LINGO2: variants seen among roughly 807,000 people sequenced by gnomAD.
The protein encoded by LINGO2 is leucine rich repeat and Ig domain containing 2.
Under a neutral mutation model 30.6 loss-of-function variants are expected in LINGO2, and 14 were observed. The ratio of observed to expected loss-of-function variants is 0.46; its 90% CI spans 0.30 to 0.72. The LOEUF (loss-of-function observed/expected upper bound fraction) is 0.72. Among genes scored for constraint, LINGO2 ranks in the 30% least tolerant of loss-of-function variants. The pLI, the probability that LINGO2 is intolerant of heterozygous loss-of-function variation, is 0.07. For missense variants in LINGO2, 729 were observed against 751.7 expected (o/e 0.97, Z 0.35); for synonymous variants, 317 against 288.5 (o/e 1.10, Z -1.00).
chr9:28,714,534 C>T, the LINGO2 span, among the ~76,000 whole-genome samples: 4 of 152,040 alleles, frequency 2.6e-5, no homozygotes, highest in African/African-American at 7.2e-5. Context: ...GATGGCAGAG[C>T]CTTTTCAGCC....
rs561758510 is a variant in LINGO2, at chr9:28,386,408, A to C, written c.-278-13540T>G. 3.3e-5 allele frequency among the ~76,000 whole-genome samples: 5 copies of C among 152,280 alleles called. No homozygotes were observed. In the South Asian group the frequency reaches 1.0e-3, roughly 32 times the overall value. ...TGATTCATATTTCCCTAAACTGTAC[A>C]TATCCTGTTCCTACTCAACCAGTAG... On this transcript the variant is annotated intron_variant, in intron 2 of 5. Transcript: ENST00000379992.
chr9:28,319,241 C>T (rs928797630), intron 3 of LINGO2, among the ~76,000 whole-genome samples: 6 of 152,166 alleles, frequency 3.9e-5, no homozygotes, highest in Non-Finnish European at 7.4e-5. Context: ...ACCCACCTTC[C>T]GTGACTTGTG....
chr9:28,922,620 C>A, the LINGO2 span, among the ~76,000 whole-genome samples: 1 of 152,012 alleles, frequency 6.6e-6, no homozygotes, highest in Admixed American at 6.6e-5. Context: ...TAAATGGGAT[C>A]AAGAATGAAT....
At chr9:28,599,904 C>T (rs1027139978) in intron 1 of LINGO2, among the ~76,000 whole-genome samples, 2 of 152,122 alleles carry the variant, frequency 1.3e-5, no homozygotes, top group African/African-American at 4.8e-5. Context: ...ATGTGTGTTA[C>T]ATGGTATTTA....
the LINGO2 span, among the ~76,000 whole-genome samples, chr9:28,795,983 TAC>T: frequency 0.4 from 55,663 of 137,926 alleles, 11,604 homozygotes; most frequent in Middle Eastern, 0.53. Flanking sequence ...CAGTACTAGA[TAC>T]ACACACACAC....
chr9:29,047,195 TAAAC>T, the LINGO2 span, among the ~76,000 whole-genome samples: 1 of 151,862 alleles, frequency 6.6e-6, no homozygotes, highest in Non-Finnish European at 1.5e-5. Context: ...ATAAGGTACT[TAAAC>T]AAATTTAAAA....
At position 28,061,501 on chromosome 9, in the gene LINGO2, C is replaced by CT. The variant is rs201404934; in HGVS notation, c.-86-49097dup. On this transcript the variant is annotated intron_variant, in intron 4 of 5. Coordinates refer to ENST00000379992, the Ensembl canonical transcript of LINGO2. ...ATAAAATATCATTCATCACCAGATTCTTTTTTTTTGTTTTAAGCCTTACAC... is the reference window on the plus strand; with the variant it reads ...ATAAAATATCATTCATCACCAGATTCTTTTTTTTTTGTTTTAAGCCTTACAC... Among the ~76,000 whole-genome samples the CT allele has an allele frequency of 2.4e-4, 36 of 150,834 alleles. 1 individual carries two copies. The highest frequency in any genetic ancestry group is 6.6e-4 in the Admixed American group (10 of 15,068).
the LINGO2 span, among the ~76,000 whole-genome samples, chr9:28,730,296 C>T: frequency 6.6e-6 from 1 of 152,100 alleles, no homozygotes; most frequent in Non-Finnish European, 1.5e-5. Context: ...AATCCAGATG[C>T]AGGAATGTGA....
At chr9:28,498,550 T>C (rs1819752516) in intron 1 of LINGO2, among the ~76,000 whole-genome samples, 1 of 152,106 alleles carries the variant, frequency 6.6e-6, no homozygotes, top group Non-Finnish European at 1.5e-5. Context: ...CCAGGTGCTG[T>C]CTTTCACAGT....
At chr9:28,374,232 G>A (rs1019952811) in intron 2 of LINGO2, among the ~76,000 whole-genome samples, 140 of 137,254 alleles carry the variant, frequency 1.0e-3, no homozygotes, top group African/African-American at 3.5e-3. Context: ...ATATATATAT[G>A]TAATATCCAA....
intron 5 of LINGO2, among the ~76,000 whole-genome samples, chr9:28,006,547 A>AT (rs376148091): frequency 2.6e-5 from 4 of 152,252 alleles, no homozygotes; most frequent in South Asian, 2.1e-4. Flanking sequence ...GGGACACAGA[A>AT]TTTTTTTATT....
the LINGO2 span, among the ~76,000 whole-genome samples, chr9:28,947,532 T>C: frequency 2.6e-5 from 4 of 152,134 alleles, no homozygotes; most frequent in South Asian, 8.3e-4. Context: ...AAGAACAAAT[T>C]TGAGTCTGCT....
chr9:28,278,348 T>C (rs1234200843), intron 4 of LINGO2, among the ~76,000 whole-genome samples: 1 of 152,200 alleles, frequency 6.6e-6, no homozygotes, highest in Non-Finnish European at 1.5e-5. Flanking sequence ...ATTTTCAATT[T>C]AGATGAAATG....
intron 1 of LINGO2, among the ~76,000 whole-genome samples, chr9:28,583,650 G>T (rs1470251367): frequency 1.3e-5 from 2 of 151,900 alleles, no homozygotes; most frequent in South Asian, 2.1e-4. Context: ...TAAACATTTT[G>T]GTGGATATTT....
At chr9:28,632,876 ATATG>A (rs1563879176) in intron 1 of LINGO2, among the ~76,000 whole-genome samples, 1,472 of 88,146 alleles carry the variant, frequency 0.017, 25 homozygotes, top group Admixed American at 0.022. Context: ...ATATATATAT[ATATG>A]TAGAGAGAGA....
the LINGO2 span, among the ~76,000 whole-genome samples, chr9:29,007,775 A>T: frequency 6.6e-6 from 1 of 152,116 alleles, no homozygotes. Flanking sequence ...GACTATGGAC[A>T]TGTTTAGTTT....
the LINGO2 span, among the ~76,000 whole-genome samples, chr9:28,836,981 G>A: frequency 1.3e-5 from 2 of 152,150 alleles, no homozygotes; most frequent in Admixed American, 1.3e-4. Flanking sequence ...CTATACTTTA[G>A]TCTCAAAAGA....
At chr9:27,949,768 G>A (rs1356836343) in exon 6 of LINGO2, 3 of 1,611,330 alleles carry the variant, frequency 1.9e-6, no homozygotes, top group African/African-American at 1.3e-5. Context: ...ACTATATGAA[G>A]CTCCTGAAGG....
chr9:28,549,412 T>A (rs545141363), intron 1 of LINGO2, among the ~76,000 whole-genome samples: 1 of 152,098 alleles, frequency 6.6e-6, no homozygotes, highest in Non-Finnish European at 1.5e-5. Flanking sequence ...ACTAAAGGAA[T>A]GATGCAATAA....
Sources: gnomAD v4.1 joint callset for allele counts (sites outside exome capture counted in the v4.1 genomes callset) on GRCh38, gnomAD v4.1.1 for gene constraint, MANE v1.5 for transcripts, NCBI Gene and HGNC (gene_info 2026-07-23, HGNC 2026-07-21) for gene names.